RPAP1: variants seen among roughly 807,000 people sequenced by gnomAD.
RPAP1 encodes RNA polymerase II-associated protein 1.
Under a neutral mutation model 142.4 loss-of-function variants are expected in RPAP1, and 109 were observed. The ratio of observed to expected loss-of-function variants is 0.77; its 90% CI spans 0.66 to 0.90. The LOEUF (loss-of-function observed/expected upper bound fraction) is 0.90. Among genes scored for constraint, RPAP1 ranks in the 40% least tolerant of loss-of-function variants. The probability of loss-of-function intolerance (pLI) is 0.00; values close to 1 mark genes in which losing one functional copy is unlikely to be tolerated. For synonymous variants in RPAP1, 704 were observed against 738.9 expected, an observed-to-expected ratio of 0.95 and a Z score of 0.77; for missense variants, 1,546 against 1,751.7, an observed-to-expected ratio of 0.88 and a Z score of 2.10.
At chr15:41,521,635 GA>G in intron 21 of RPAP1, 102 bp downstream of exon 21, 1 of 1,341,410 alleles carries the variant, frequency 7.5e-7, no homozygotes, top group South Asian at 1.4e-5. Flanking sequence ...GTCGGTGGAA[GA>G]AAGAGAATTT....
Position 41,521,889 on chromosome 15 carries a change from A to G in RPAP1, c.2896-9T>C, listed in dbSNP as rs762843927. Reference sequence around the variant, plus strand: ...AGTGGCTGCAGCGCTGCCTGCAGACAGAAAAGCAGGGAACTACCTAGTACA... The same window carrying G: ...AGTGGCTGCAGCGCTGCCTGCAGACGGAAAAGCAGGGAACTACCTAGTACA... On this transcript the variant is annotated splice_polypyrimidine_tract_variant and intron_variant, in intron 20 of 24. Coordinates refer to ENST00000304330, the MANE Select transcript of RPAP1 (RefSeq NM_015540.4). 8 of 1,613,392 alleles carry G rather than the reference A, an allele frequency of 5.0e-6. No homozygotes were observed. Among genetic ancestry groups the G allele is most frequent in the Admixed American group, 1.7e-5 (1 of 59,860 alleles).
chr15:41,535,430 C>T, intron 5 of RPAP1, 82 bp downstream of exon 5: 2 of 1,501,344 alleles, frequency 1.3e-6, no homozygotes, highest in Non-Finnish European at 1.8e-6. Context: ...TCATTTGAGG[C>T]AGGAAGACAT....
chr15:41,536,624 C>A lies in RPAP1; in HGVS notation c.207G>T (p.Leu69Phe). The change falls in exon 3 of 25, where the codon TTG becomes TTT. Residue 69 changes from leucine to phenylalanine, a missense_variant. Leu to Phe is a conservative substitution (Grantham distance 22, BLOSUM62 0). Coordinates refer to ENST00000304330, the MANE Select transcript of RPAP1 (RefSeq NM_015540.4). ...LDNLPDLPPA[L>F]VPSPPKRARP... Reference sequence around the variant, plus strand: ...TGGCTCTCTTTGGAGGAGAAGGGACCAAAGCTGGGGGCAAATCTGGGAGAT... The same window carrying A: ...TGGCTCTCTTTGGAGGAGAAGGGACAAAAGCTGGGGGCAAATCTGGGAGAT... 1 of 1,613,894 alleles carries A rather than the reference C, an allele frequency of 6.2e-7. No individual in the cohort carries two copies. The highest frequency in any genetic ancestry group is 8.5e-7 in the Non-Finnish European group (1 of 1,179,998).
Position 41,537,221 on chromosome 15 carries a change from TG to T in RPAP1, c.-76-21del. On this transcript the variant is annotated intron_variant, in intron 1 of 24. Coordinates refer to ENST00000304330, the MANE Select transcript of RPAP1 (RefSeq NM_015540.4). ...TCATCCCTAAGAGCAAGAAAGAATA[TG>T]GGCCCTCTGCAACTGAACCCTGATT... 8.2e-7 allele frequency: 1 copy of T among 1,217,662 alleles called. No homozygotes were observed. Among genetic ancestry groups the T allele is most frequent in the South Asian group, 1.4e-5 (1 of 73,652 alleles). The allele number at this position is 1,217,662 out of a possible 1,614,324, so 75.4% of individuals were successfully genotyped here.
At chr15:41,536,056 C>T in intron 4 of RPAP1, 73 bp downstream of exon 4, 1 of 1,111,358 alleles carries the variant, frequency 9.0e-7, no homozygotes, top group South Asian at 1.3e-5. Context: ...TTAAAACTAC[C>T]TGCCTGGAGA....
At position 41,542,123 on chromosome 15, in the gene RPAP1, G is replaced by C. The variant is rs146104355; in HGVS notation, c.-77+2096C>G. Among the ~76,000 whole-genome samples the C allele has an allele frequency of 2.3e-3, 352 of 152,266 alleles. 2 individuals are homozygous for C. Among genetic ancestry groups the C allele is most frequent in the African/African-American group, 8.3e-3 (343 of 41,558 alleles). Reference sequence around the variant, plus strand: ...AAAATCCAGTCCCTGGGTTCAAGGGGCTTACTGGGGAGACAGAGACCATGC... The same window carrying C: ...AAAATCCAGTCCCTGGGTTCAAGGGCCTTACTGGGGAGACAGAGACCATGC... On this transcript the variant is annotated intron_variant, in intron 1 of 24. Coordinates refer to ENST00000304330, the MANE Select transcript of RPAP1 (RefSeq NM_015540.4).
chr15:41,542,074 C>T (rs2051977303), intron 1 of RPAP1, among the ~76,000 whole-genome samples: 1 of 152,086 alleles, frequency 6.6e-6, no homozygotes. Flanking sequence ...GTACAAGGGG[C>T]TGTAAATATA....
chr15:41,525,058 G>C lies in RPAP1; in HGVS notation c.2008C>G (p.Leu670Val), dbSNP rs1322970739. The change falls in exon 15 of 25, where the codon CTG becomes GTG. Residue 670 changes from leucine (L) to valine (V), a missense_variant. This residue lies in a region of RPAP1 where 1,333 missense variants were observed against 1,486.6 expected (regional missense o/e 0.90). Transcript: ENST00000304330. ...CACAGACGGAGGGCCTCGGTGCTCA[G>C]CATCTCAGCTTCCTCTGGGGGCAAG... ...LALPPEEAEMLSTEALRLWAV... is the reference protein window; with the variant it reads ...LALPPEEAEMVSTEALRLWAV... 10 of 1,614,114 alleles carry C rather than the reference G, an allele frequency of 6.2e-6. No homozygotes were observed. Among genetic ancestry groups the C allele is most frequent in the Non-Finnish European group, 7.6e-6 (9 of 1,179,998 alleles).
chr15:41,522,115 C>T lies in RPAP1; in HGVS notation c.2878G>A (p.Ala960Thr), dbSNP rs770789582. Residue 960 changes from alanine (A) to threonine (T), a missense_variant, in exon 20 of 25, where the codon GCT becomes ACT. Transcript: ENST00000304330. ...GGACCTACCGCTTTCTGGGCCAGAG[C>T]GAGTGCCAGGTACTGCAGGTGGTAC... is the stretch of plus-strand genomic sequence containing the variant. ...HEYHLQYLAL[A>T]LAQKAAALQP... The T allele has an allele frequency of 7.4e-6, 12 of 1,613,412 alleles. No individual in the cohort carries two copies. The highest frequency in any genetic ancestry group is 5.3e-5 in the African/African-American group (4 of 74,874).
rs2051742122 is a variant in RPAP1, at chr15:41,522,773, A to G, written c.2734T>C (p.Cys912Arg). Residue 912 changes from cysteine (C) to arginine (R), a missense_variant, in exon 19 of 25, where the codon TGT becomes CGT. Physicochemically the swap from Cys to Arg is radical, Grantham distance 180. Around this residue, in one of 3 missense-constraint regions of RPAP1, gnomAD observed 1,333 missense variants for 1,486.6 expected, o/e 0.90. Coordinates refer to ENST00000304330, the MANE Select transcript of RPAP1 (RefSeq NM_015540.4). ...NTLAQIHKGLCGQLAAILAAP... is the reference protein window; with the variant it reads ...NTLAQIHKGLRGQLAAILAAP... The stretch of plus-strand genomic sequence containing the variant: ...AGGCACCCCACACTTACCTGGCCAC[A>G]CAGCCCCTTGTGGATCTGGGCCAGG... 1 of 1,539,922 alleles carries G rather than the reference A, an allele frequency of 6.5e-7. No homozygotes were observed. Among genetic ancestry groups the G allele is most frequent in the African/African-American group, 1.4e-5 (1 of 69,522 alleles).
At chr15:41,519,904 C>A (rs1450806179) in intron 22 of RPAP1, 2 of 174,054 alleles carry the variant, frequency 1.1e-5, no homozygotes, top group East Asian at 3.0e-4. Context: ...GTAATGAATA[C>A]CCACTATATG....
At chr15:41,523,394 A>T in intron 17 of RPAP1, 40 bp from the exon 18 acceptor site, 1 of 1,325,446 alleles carries the variant, frequency 7.5e-7, no homozygotes, top group Non-Finnish European at 1.1e-6. Flanking sequence ...TGGCCCAGCC[A>T]TTCATTCTCC....
intron 6 of RPAP1, among the ~76,000 whole-genome samples, chr15:41,533,545 C>T (rs993065402): frequency 6.6e-6 from 1 of 151,680 alleles, no homozygotes; most frequent in Middle Eastern, 3.4e-3. Flanking sequence ...AAAAGAAATT[C>T]GCTGGGGGCC....
intron 1 of RPAP1, among the ~76,000 whole-genome samples, chr15:41,540,885 T>C (rs1215845141): frequency 6.6e-6 from 1 of 152,184 alleles, no homozygotes; most frequent in African/African-American, 2.4e-5. Flanking sequence ...TCTTTATAGC[T>C]GGGTAATTCT....
At position 41,524,242 on chromosome 15, in the gene RPAP1, T is replaced by C. The variant is rs2051765547; in HGVS notation, c.2088A>G (p.Pro696=). 6.5e-7 allele frequency: 1 copy of C among 1,529,420 alleles called. No homozygotes were observed. The highest frequency in any genetic ancestry group is 1.4e-5 in the African/African-American group (1 of 72,114). 94.7% of individuals were successfully genotyped at this position (1,529,420 alleles called of 1,614,324 possible). A position where few individuals can be genotyped will look rare whatever the true frequency, so the allele number is the denominator to read the frequency against. Residue 696 remains proline, a synonymous_variant, in exon 16 of 25, where the codon CCA becomes CCG. Transcript: ENST00000304330. ...CCACCTGCAAGGCCCGCATCAGCAC[T>C]GGGTAGAGCTCCCTAGGGAAGAACA... The part of the protein sequence containing the change: ...QGGYLYRELY[P]VLMRALQVVP...
chr15:41,518,331 G>A, intron 22 of RPAP1, 149 bp from the exon 23 acceptor site: 1 of 656,920 alleles, frequency 1.5e-6, no homozygotes, highest in Non-Finnish European at 2.5e-6. Context: ...AAGGATCAGG[G>A]TTAAAGACTA....
intron 3 of RPAP1, 128 bp downstream of exon 3, chr15:41,536,373 A>C: frequency 1.4e-6 from 2 of 1,381,434 alleles, no homozygotes; most frequent in Non-Finnish European, 2.0e-6. Context: ...CCAGCCCCCA[A>C]CCTGACCTCA....
intron 23 of RPAP1, 66 bp from the exon 24 acceptor site, chr15:41,517,923 A>T (rs2051681913): frequency 6.2e-7 from 1 of 1,613,182 alleles, no homozygotes; most frequent in Non-Finnish European, 8.5e-7. Context: ...GCCTTGCTTG[A>T]CACTTACCTC....
At chr15:41,519,000 C>G (rs1176361172) in intron 22 of RPAP1, among the ~76,000 whole-genome samples, 3 of 152,196 alleles carry the variant, frequency 2.0e-5, no homozygotes, top group Non-Finnish European at 4.4e-5. Flanking sequence ...AAGTGATCCT[C>G]CTGCCTCAGG....
Sources: allele counts gnomAD v4.1 joint callset (sites outside exome capture counted in the v4.1 genomes callset), GRCh38; gene constraint gnomAD v4.1.1; regional missense constraint gnomAD v4.1.1; transcripts MANE v1.5; gene names NCBI Gene and HGNC (gene_info 2026-07-23, HGNC 2026-07-21).